Variants in AFTPH observed in about 807,000 individuals in gnomAD.
The protein encoded by AFTPH is aftiphilin.
A neutral mutation model predicts 72.5 loss-of-function variants in AFTPH; 7 were observed. That is an observed-to-expected ratio of 0.10 (90% confidence interval 0.05 to 0.18). AFTPH has a LOEUF of 0.18. Ranked by LOEUF, AFTPH falls within the 10% of genes least tolerant of loss-of-function variation. The pLI is 1.00. For synonymous variants in AFTPH, 337 were observed against 370.1 expected, an observed-to-expected ratio of 0.91 and a Z score of 1.03; for missense variants, 979 against 1,060.5, an observed-to-expected ratio of 0.92 and a Z score of 1.07.
intron 1 of AFTPH, among the ~76,000 whole-genome samples, chr2:64,550,888 T>C (rs1467692395): frequency 6.6e-6 from 1 of 152,180 alleles, no homozygotes; most frequent in Admixed American, 6.5e-5. Flanking sequence ...TATTTCCAAC[T>C]TTTTTTGAGT....
At chr2:64,563,869 G>C (rs889855308) in intron 2 of AFTPH, among the ~76,000 whole-genome samples, 4 of 152,176 alleles carry the variant, frequency 2.6e-5, no homozygotes, top group African/African-American at 9.7e-5. Context: ...GCCTCCCAAA[G>C]TGCTGGAATT....
Position 64,556,073 on chromosome 2 carries a change from C to T in AFTPH, c.1935+2664C>T, listed in dbSNP as rs182705232. 1.9e-3 allele frequency among the ~76,000 whole-genome samples: 288 copies of T among 151,162 alleles called. 3 individuals are homozygous for T. The highest frequency in any genetic ancestry group is 6.4e-3 in the African/African-American group (261 of 40,780). ...CACGATCTCAGCTCACTGCAGCCTCCGCCTCCCGGGTTCAAGCAGTTCTCC... is the reference window on the plus strand; with the variant it reads ...CACGATCTCAGCTCACTGCAGCCTCTGCCTCCCGGGTTCAAGCAGTTCTCC... On this transcript the variant is annotated intron_variant, in intron 2 of 8. Coordinates refer to ENST00000238856, the Ensembl canonical transcript of AFTPH.
chr2:64,553,032 A>G (rs774368889), exon 2 of AFTPH: 1 of 1,614,184 alleles, frequency 6.2e-7, no homozygotes, highest in East Asian at 2.2e-5. Context: ...ATCTAGTGGA[A>G]CAGGCACTGA....
intron 2 of AFTPH, among the ~76,000 whole-genome samples, chr2:64,566,822 C>T (rs1368655362): frequency 6.7e-6 from 1 of 150,096 alleles, no homozygotes; most frequent in Non-Finnish European, 1.5e-5. Context: ...GGTGGAAATA[C>T]TCTGGGGAAT....
intron 2 of AFTPH, among the ~76,000 whole-genome samples, chr2:64,557,111 A>AT (rs966328078): frequency 1.3e-5 from 2 of 151,838 alleles, no homozygotes; most frequent in African/African-American, 2.4e-5. Flanking sequence ...AAGCCAGGAA[A>AT]TTTTTTTTTA....
chr2:64,530,709 G>C (rs1669577082), intron 1 of AFTPH, among the ~76,000 whole-genome samples: 1 of 152,058 alleles, frequency 6.6e-6, no homozygotes, highest in Non-Finnish European at 1.5e-5. Flanking sequence ...ATATTGCGTT[G>C]ATCTTTCTTT....
intron 7 of AFTPH, among the ~76,000 whole-genome samples, chr2:64,585,064 G>GA (rs1558633481): frequency 6.6e-6 from 1 of 152,180 alleles, no homozygotes; most frequent in Non-Finnish European, 1.5e-5. Flanking sequence ...CACATCATGT[G>GA]CATTCTATTT....
chr2:64,526,115 T>C (rs1669247177), intron 1 of AFTPH, among the ~76,000 whole-genome samples: 1 of 152,228 alleles, frequency 6.6e-6, no homozygotes, highest in Non-Finnish European at 1.5e-5. Context: ...CTAGAGACTG[T>C]TAAAAAATAA....
chr2:64,557,726 G>A (rs909414524), intron 2 of AFTPH, among the ~76,000 whole-genome samples: 1 of 152,184 alleles, frequency 6.6e-6, no homozygotes. Flanking sequence ...TCCATCCTGT[G>A]AACACTGGAA....
chr2:64,573,948 C>T (rs532655497), intron 6 of AFTPH, among the ~76,000 whole-genome samples: 16 of 152,294 alleles, frequency 1.1e-4, no homozygotes, highest in African/African-American at 3.6e-4. Flanking sequence ...AGCCATCACA[C>T]GCAGCCAGAA....
At chr2:64,575,739 G>A (rs28526837) in intron 6 of AFTPH, among the ~76,000 whole-genome samples, 58,485 of 111,094 alleles carry the variant, frequency 0.53, 11,739 homozygotes, top group African/African-American at 0.63. Flanking sequence ...GTGTGTGTGT[G>A]TGTATATATT....
intron 6 of AFTPH, among the ~76,000 whole-genome samples, chr2:64,575,737 G>GTA (rs1483084441): frequency 1.5e-4 from 12 of 81,576 alleles, no homozygotes; most frequent in African/African-American, 5.7e-4. Context: ...GTGTGTGTGT[G>GTA]TGTGTATATA....
chr2:64,542,497 T>C (rs1670314418), intron 1 of AFTPH, among the ~76,000 whole-genome samples: 1 of 152,114 alleles, frequency 6.6e-6, no homozygotes, highest in Non-Finnish European at 1.5e-5. Flanking sequence ...GGGTTGCATT[T>C]TTCTATTTCA....
At chr2:64,561,862 A>G (rs1228427003) in intron 2 of AFTPH, among the ~76,000 whole-genome samples, 2 of 152,242 alleles carry the variant, frequency 1.3e-5, no homozygotes, top group Admixed American at 1.3e-4. Context: ...AATGAATTGT[A>G]GTGTTAGATG....
chr2:64,551,331 A>G (rs1401513506), intron 1 of AFTPH, 112 bp from the exon 2 acceptor site: 8 of 825,748 alleles, frequency 9.7e-6, no homozygotes, highest in Non-Finnish European at 1.5e-5. Context: ...AAAAGGAGAC[A>G]AAATAGAGCA....
At chr2:64,584,800 T>G (rs574413207) in intron 7 of AFTPH, among the ~76,000 whole-genome samples, 32 of 152,022 alleles carry the variant, frequency 2.1e-4, no homozygotes, top group South Asian at 1.0e-3. Flanking sequence ...GTTTCACCGT[T>G]TTAGCCAGGA....
intron 8 of AFTPH, among the ~76,000 whole-genome samples, chr2:64,588,014 A>T (rs543402170): frequency 6.6e-6 from 1 of 152,290 alleles, no homozygotes; most frequent in East Asian, 1.9e-4. Flanking sequence ...GGTTTTTAGT[A>T]TATTCACAAG....
intron 7 of AFTPH, among the ~76,000 whole-genome samples, chr2:64,581,796 G>A (rs1673222094): frequency 6.6e-6 from 1 of 152,088 alleles, no homozygotes; most frequent in Non-Finnish European, 1.5e-5. Context: ...TAAGTATATA[G>A]TCCCACATAG....
intron 8 of AFTPH, among the ~76,000 whole-genome samples, chr2:64,591,287 G>A (rs570857725): frequency 3.2e-4 from 48 of 152,266 alleles, no homozygotes; most frequent in African/African-American, 1.1e-3. Flanking sequence ...GCCTGTGTAC[G>A]TGCATAATAA....
Sources: gnomAD v4.1 joint callset for allele counts (sites outside exome capture counted in the v4.1 genomes callset) on GRCh38, gnomAD v4.1.1 for gene constraint, MANE v1.5 for transcripts, NCBI Gene and HGNC (gene_info 2026-07-23, HGNC 2026-07-21) for gene names.